Variants in MAST4 observed in about 807,000 individuals in gnomAD.
MAST4 encodes the protein microtubule-associated serine/threonine-protein kinase 4.
A neutral mutation model predicts 162.7 loss-of-function variants in MAST4; 89 were observed. That is an observed-to-expected ratio of 0.55 (90% CI 0.46 to 0.65). The LOEUF is 0.65. Among genes scored for constraint, MAST4 ranks in the 30% least tolerant of loss-of-function variants. The pLI is 0.00. For synonymous variants in MAST4, 1,479 were observed against 1,361.1 expected (o/e 1.09, Z -1.91); for missense variants, 3,153 against 3,374.0 (o/e 0.93, Z 1.62).
chr5:66,885,137 G>A (rs71626454), intron 3 of MAST4, among the ~76,000 whole-genome samples: 1,757 of 152,240 alleles, frequency 0.012, 30 homozygotes, highest in South Asian at 0.053. Context: ...TGTGGAATAG[G>A]GGGTTTTCAA....
intron 3 of MAST4, among the ~76,000 whole-genome samples, chr5:66,803,450 G>T (rs1316145562): frequency 1.3e-5 from 2 of 152,094 alleles, no homozygotes; most frequent in Non-Finnish European, 2.9e-5. Flanking sequence ...CATTAAATGT[G>T]TAGATCAATT....
chr5:66,599,952 C>CATTGTATCAA (rs1288565002), intron 1 of MAST4, among the ~76,000 whole-genome samples: 1 of 149,178 alleles, frequency 6.7e-6, no homozygotes, highest in Non-Finnish European at 1.5e-5. Flanking sequence ...TTTACAGTAA[C>CATTGTATCAA]ATTGTATCAA....
At chr5:66,801,583 G>A (rs770092658) in intron 3 of MAST4, among the ~76,000 whole-genome samples, 1 of 152,168 alleles carries the variant, frequency 6.6e-6, no homozygotes, top group Non-Finnish European at 1.5e-5. Flanking sequence ...TAAACTACAA[G>A]ATCTGCTTTT....
Position 67,166,262 on chromosome 5 carries a change from G to A in MAST4, c.7083G>A (p.Pro2361=), listed in dbSNP as rs769376477. 1 of 1,553,912 alleles carries A rather than the reference G, an allele frequency of 6.4e-7. No homozygotes were observed. Among genetic ancestry groups the A allele is most frequent in the Middle Eastern group, 1.7e-4 (1 of 5,996 alleles). ...NRQTDKSPSQ[P]AANTDRRAEG... The stretch of plus-strand genomic sequence containing the variant: ...AGACAGACAAAAGCCCGAGTCAGCC[G>A]GCCGCCAACACCGACAGAAGGGCGG... Residue 2361 remains proline, a synonymous_variant, in exon 29 of 29, where the codon CCG becomes CCA. Coordinates refer to ENST00000403625, the MANE Select transcript of MAST4 (RefSeq NM_001164664.2).
chr5:66,982,555 A>G (rs1383330861), intron 4 of MAST4, among the ~76,000 whole-genome samples: 1 of 152,192 alleles, frequency 6.6e-6, no homozygotes, highest in African/African-American at 2.4e-5. Flanking sequence ...AATGACATCA[A>G]TAAAAAGCAC....
intron 3 of MAST4, among the ~76,000 whole-genome samples, chr5:66,809,402 A>C (rs1014760514): frequency 6.6e-6 from 1 of 152,198 alleles, no homozygotes; most frequent in Non-Finnish European, 1.5e-5. Context: ...GATCAACAAC[A>C]ACTTGTAGTG....
At chr5:66,695,311 G>T (rs1254229151) in intron 1 of MAST4, among the ~76,000 whole-genome samples, 1 of 152,194 alleles carries the variant, frequency 6.6e-6, no homozygotes, top group Non-Finnish European at 1.5e-5. Flanking sequence ...GTTTGCCGAA[G>T]ATCGGATGGT....
intron 9 of MAST4, among the ~76,000 whole-genome samples, chr5:67,102,864 G>A (rs1186534020): frequency 1.3e-5 from 2 of 152,200 alleles, no homozygotes; most frequent in African/African-American, 4.8e-5. Flanking sequence ...ACCACACACG[G>A]GGTGGGCCTG....
intron 5 of MAST4, 68 bp from the exon 6 acceptor site, chr5:67,090,094 G>T: frequency 9.3e-7 from 1 of 1,075,118 alleles, no homozygotes; most frequent in Non-Finnish European, 1.4e-6. Context: ...TTTCTAAGGA[G>T]AGAATTATTG....
intron 1 of MAST4, among the ~76,000 whole-genome samples, chr5:66,607,113 C>T (rs748308344): frequency 6.6e-6 from 1 of 152,128 alleles, no homozygotes; most frequent in Non-Finnish European, 1.5e-5. Flanking sequence ...TAGGGAGATA[C>T]TGGGACAAGG....
intron 1 of MAST4, among the ~76,000 whole-genome samples, chr5:66,754,822 A>G (rs1753427667): frequency 6.6e-6 from 1 of 152,222 alleles, no homozygotes; most frequent in Non-Finnish European, 1.5e-5. Flanking sequence ...TTACATAGGC[A>G]TTTACAGAGG....
intron 4 of MAST4, chr5:66,902,610 A>G (rs1456401532): frequency 2.3e-6 from 1 of 426,590 alleles, no homozygotes; most frequent in Admixed American, 3.0e-5. Flanking sequence ...AATGAGAACT[A>G]ACTTGAAGAC....
At chr5:66,992,257 A>G (rs1327496189) in intron 4 of MAST4, among the ~76,000 whole-genome samples, 1 of 152,182 alleles carries the variant, frequency 6.6e-6, no homozygotes, top group Non-Finnish European at 1.5e-5. Context: ...CTGCATAATT[A>G]GTAAATAAGT....
intron 4 of MAST4, among the ~76,000 whole-genome samples, chr5:67,052,535 G>A (rs114540952): frequency 0.022 from 3,407 of 151,924 alleles, 55 homozygotes; most frequent in African/African-American, 0.044. Context: ...GGTAGTGTAC[G>A]TTTCTTAGAA....
chr5:66,824,646 A>G (rs1247878626), intron 3 of MAST4, among the ~76,000 whole-genome samples: 2 of 152,256 alleles, frequency 1.3e-5, no homozygotes, highest in Non-Finnish European at 2.9e-5. Context: ...AAGTACAGTC[A>G]TGCGTCACTT....
chr5:66,676,052 T>C (rs769093226), intron 1 of MAST4, among the ~76,000 whole-genome samples: 27 of 152,224 alleles, frequency 1.8e-4, no homozygotes, highest in Non-Finnish European at 3.2e-4. Context: ...GAAATCTTCA[T>C]TGATTTTTGG....
chr5:67,041,496 TTCCACAACATCAAGTAC>T (rs1439147187), intron 4 of MAST4, among the ~76,000 whole-genome samples: 1 of 152,226 alleles, frequency 6.6e-6, no homozygotes, highest in Non-Finnish European at 1.5e-5. Context: ...TTCTTTTTTC[TTCCACAACATCAAGTAC>T]TCTAGAATTA....
At chr5:66,617,942 G>C (rs1743809745) in intron 1 of MAST4, among the ~76,000 whole-genome samples, 1 of 151,114 alleles carries the variant, frequency 6.6e-6, no homozygotes, top group South Asian at 2.1e-4. Context: ...AGGTGCTAGG[G>C]CAGTATTTTT....
chr5:66,829,399 A>C (rs1259100906), intron 3 of MAST4, among the ~76,000 whole-genome samples: 1 of 152,060 alleles, frequency 6.6e-6, no homozygotes, highest in African/African-American at 2.4e-5. Flanking sequence ...GTTTATGTTG[A>C]GATGAGAAAA....
Sources: allele counts gnomAD v4.1 joint callset (sites outside exome capture counted in the v4.1 genomes callset), GRCh38; gene constraint gnomAD v4.1.1; transcripts MANE v1.5; gene names NCBI Gene and HGNC (gene_info 2026-07-23, HGNC 2026-07-21).